CCNA1: variants seen among roughly 807,000 people sequenced by gnomAD.
CCNA1 encodes the protein cyclin A1, also known as cyclin-A1.
A neutral mutation model predicts 54.1 loss-of-function variants in CCNA1; 23 were observed. The observed-to-expected ratio is 0.42, with a 90% confidence interval of 0.31 to 0.60. CCNA1 has a LOEUF of 0.60. Ranked by LOEUF, CCNA1 falls within the 20% of genes least tolerant of loss-of-function variation. The pLI, the probability that CCNA1 is intolerant of heterozygous loss-of-function variation, is 0.14. For missense variants in CCNA1, 450 were observed against 556.7 expected (o/e 0.81, Z 1.93); for synonymous variants, 208 against 213.9 (o/e 0.97, Z 0.24).
intron 2 of CCNA1, among the ~76,000 whole-genome samples, chr13:36,433,554 T>G (rs1214405873): frequency 6.7e-6 from 1 of 149,900 alleles, no homozygotes; most frequent in Non-Finnish European, 1.5e-5. Flanking sequence ...TCTTTTTTTT[T>G]TTTTGAGACG....
chr13:36,432,844 G>T (rs2055732245), intron 1 of CCNA1, 115 bp downstream of exon 1: 2 of 962,524 alleles, frequency 2.1e-6, no homozygotes, highest in East Asian at 5.0e-5. Flanking sequence ...TAACTGTTTT[G>T]ATTCAGAGCA....
At chr13:36,436,727 C>T (rs1428899002) in intron 2 of CCNA1, among the ~76,000 whole-genome samples, 2 of 152,182 alleles carry the variant, frequency 1.3e-5, no homozygotes, top group Non-Finnish European at 2.9e-5. Context: ...TTCTTACAGA[C>T]ATAAGTCACC....
rs548739607 is a variant in CCNA1, at chr13:36,433,316, C to T, written c.297+95C>T. On this transcript the variant is annotated intron_variant, in intron 2 of 8. Coordinates refer to ENST00000255465, the MANE Select transcript of CCNA1 (RefSeq NM_003914.4). ...TTCTCTTGCCCTTGTACCTACAACT[C>T]CCCCTGAGTATTACAACCCTGGAAT... is the stretch of plus-strand genomic sequence containing the variant. The T allele has an allele frequency of 3.8e-6, 3 of 784,920 alleles. No homozygotes were observed. In the Admixed American group the frequency reaches 9.1e-5, roughly 24 times the overall value. The allele number at this position is 784,920 out of a possible 1,614,324, so 48.6% of individuals were successfully genotyped here. A position where few individuals can be genotyped will look rare whatever the true frequency, so the allele number is the denominator to read the frequency against.
At position 36,442,214 on chromosome 13, in the gene CCNA1, T is replaced by C; in HGVS notation, c.1256T>C (p.Ile419Thr). 6.2e-7 allele frequency: 1 copy of C among 1,614,036 alleles called. No individual in the cohort carries two copies. Among genetic ancestry groups the C allele is most frequent in the Non-Finnish European group, 8.5e-7 (1 of 1,179,946 alleles). The change falls in exon 8 of 9, where the codon ATT becomes ACT. Residue 419 changes from isoleucine to threonine, a missense_variant. Ile to Thr is a moderately conservative substitution (Grantham distance 89). Around this residue, in one of 6 missense-constraint regions of CCNA1, gnomAD observed 22 missense variants for 52.7 expected, o/e 0.42. Transcript: ENST00000255465. ...TTTACAGGGTATTCATTAAGTGAAA[T>C]TGTGCCTTGCCTGAGTGAGCTTCAT...
chr13:36,432,876 G>A, intron 1 of CCNA1, 147 bp downstream of exon 1: 5 of 947,666 alleles, frequency 5.3e-6, no homozygotes, highest in South Asian at 1.5e-5. Flanking sequence ...CTGTGCGGTC[G>A]CACCTGCCCT....
intron 2 of CCNA1, among the ~76,000 whole-genome samples, chr13:36,437,408 T>G (rs2089577842): frequency 1.3e-5 from 2 of 152,144 alleles, no homozygotes; most frequent in Admixed American, 1.3e-4. Context: ...TAGATTAAAA[T>G]TTTAGGTAGC....
At chr13:36,433,443 G>GTTCGTTCGTTCT (rs1491577879) in intron 2 of CCNA1, among the ~76,000 whole-genome samples, 631 of 53,806 alleles carry the variant, frequency 0.012, 25 homozygotes, top group African/African-American at 0.038. Flanking sequence ...TCTTTCTTTC[G>GTTCGTTCGTTCT]TTCTTTCTTT....
intron 2 of CCNA1, among the ~76,000 whole-genome samples, 181 bp downstream of exon 2, chr13:36,433,402 C>CTT (rs1342139813): frequency 1.9e-5 from 2 of 106,102 alleles, no homozygotes; most frequent in Non-Finnish European, 4.0e-5. Flanking sequence ...TTCTTTCTTT[C>CTT]TTTCTTTCTT....
rs145666972 is a variant in CCNA1, at chr13:36,438,348, G to C, written c.669+157G>C. ...AAAATAATAGTTGTGATGGCAAGTC[G>C]CAATTGCTTGGACTATTTCTACATG... On this transcript the variant is annotated intron_variant, in intron 4 of 8. Coordinates refer to ENST00000255465, the MANE Select transcript of CCNA1 (RefSeq NM_003914.4). Among the ~76,000 whole-genome samples the C allele has an allele frequency of 8.1e-3, 1,233 of 152,182 alleles. 9 individuals are homozygous for C. The highest frequency in any genetic ancestry group is 0.017 in the Middle Eastern group (5 of 294).
intron 4 of CCNA1, 117 bp downstream of exon 4, chr13:36,438,308 TAAG>T (rs2055832694): frequency 1.2e-6 from 1 of 868,960 alleles, no homozygotes; most frequent in South Asian, 1.7e-5. Flanking sequence ...CAGCTAAACA[TAAG>T]AATATCTATG....
At chr13:36,442,348 T>C in intron 8 of CCNA1, 44 bp downstream of exon 8, 1 of 1,593,598 alleles carries the variant, frequency 6.3e-7, no homozygotes, top group Non-Finnish European at 8.6e-7. Context: ...TATTTAAAGC[T>C]TAATGGGTTA....
chr13:36,438,019 C>T, intron 3 of CCNA1, 48 bp from the exon 4 acceptor site: 1 of 1,599,334 alleles, frequency 6.3e-7, no homozygotes, highest in East Asian at 2.2e-5. Context: ...GTGGATTGAA[C>T]AAATGTTTAA....
chr13:36,433,430 CTTT>C (rs2055754134), intron 2 of CCNA1, among the ~76,000 whole-genome samples: 2 of 103,556 alleles, frequency 1.9e-5, no homozygotes, highest in South Asian at 2.8e-4. Flanking sequence ...TTCTTTCTTT[CTTT>C]CTTTCTTTCG....
At chr13:36,442,145 C>A (rs368882161) in intron 7 of CCNA1, 26 bp from the exon 8 acceptor site, 23 of 1,593,074 alleles carry the variant, frequency 1.4e-5, no homozygotes, top group Non-Finnish European at 2.0e-5. Context: ...TTATGTGAAG[C>A]AATTTTTTTC....
chr13:36,432,679 G>A lies in CCNA1; in HGVS notation c.58G>A (p.Glu20Lys), dbSNP rs139574122. Residue 20 changes from glutamate (E) to lysine (K), a missense_variant, in exon 1 of 9, where the codon GAA becomes AAA. Around this residue, in one of 6 missense-constraint regions of CCNA1, gnomAD observed 103 missense variants for 100.9 expected, o/e 1.02. Coordinates refer to ENST00000255465, the MANE Select transcript of CCNA1 (RefSeq NM_003914.4). ...TGGATCTTTTATTGGGGGCTGGGGAGAAGAGTATCTCAGCTGGGAAGGACC... is the reference window on the plus strand; with the variant it reads ...TGGATCTTTTATTGGGGGCTGGGGAAAAGAGTATCTCAGCTGGGAAGGACC... The A allele has an allele frequency of 4.4e-5, 71 of 1,612,928 alleles. No homozygotes were observed. In the African/African-American group the frequency reaches 8.7e-4, roughly 20 times the overall value.
chr13:36,442,383 T>C, intron 8 of CCNA1, 79 bp downstream of exon 8: 2 of 1,470,932 alleles, frequency 1.4e-6, no homozygotes, highest in Non-Finnish European at 9.4e-7. Context: ...AGATTAAAAA[T>C]AGATTAAATT....
In CCNA1 at chr13:36,442,229, G is replaced by C. The variant is rs140628294; in HGVS notation, c.1271G>C (p.Ser424Thr). ...TTAAGTGAAATTGTGCCTTGCCTGA[G>C]TGAGCTTCATAAAGCGTACCTTGAT... The change falls in exon 8 of 9, where the codon AGT becomes ACT. Residue 424 changes from serine (S) to threonine (T), a missense_variant. This residue lies in a region of CCNA1 where 53 missense variants were observed against 50.1 expected (regional missense o/e 1.06). Transcript: ENST00000255465. 2 of 1,613,948 alleles carry C rather than the reference G, an allele frequency of 1.2e-6. No homozygotes were observed. The highest frequency in any genetic ancestry group is 1.7e-6 in the Non-Finnish European group (2 of 1,179,896).
upstream of CCNA1, chr13:36,431,783 GA>G (rs2055709920): frequency 1.3e-5 from 2 of 152,470 alleles, no homozygotes; most frequent in South Asian, 4.1e-4. Flanking sequence ...GTAGGTGTGT[GA>G]GCCGACCCGG....
At chr13:36,432,846 T>G in intron 1 of CCNA1, 117 bp downstream of exon 1, 1 of 965,392 alleles carries the variant, frequency 1.0e-6, no homozygotes, top group South Asian at 1.4e-5. Context: ...ACTGTTTTGA[T>G]TCAGAGCAAC....
Sources: gnomAD v4.1 joint callset for allele counts (sites outside exome capture counted in the v4.1 genomes callset) on GRCh38, gnomAD v4.1.1 for gene constraint, gnomAD v4.1.1 regional missense constraint, MANE v1.5 for transcripts, NCBI Gene and HGNC (gene_info 2026-07-23, HGNC 2026-07-21) for gene names.